Variants in CLMN observed in about 807,000 individuals in gnomAD.
CLMN encodes the protein calmin (calponin-like, transmembrane).
Under a neutral mutation model 92.7 loss-of-function variants are expected in CLMN, and 57 were observed. The ratio of observed to expected loss-of-function variants is 0.61; its 90% CI spans 0.50 to 0.77. The LOEUF (loss-of-function observed/expected upper bound fraction) is 0.77. CLMN is among the 30% of genes least tolerant of loss of function. The pLI is 0.00. For missense variants in CLMN, 1,158 were observed against 1,237.5 expected, an observed-to-expected ratio of 0.94 and a Z score of 0.96; for synonymous variants, 466 against 470.6, an observed-to-expected ratio of 0.99 and a Z score of 0.13.
At chr14:95,277,287 G>A (rs75280460) in intron 1 of CLMN, among the ~76,000 whole-genome samples, 259 of 152,318 alleles carry the variant, frequency 1.7e-3, no homozygotes, top group Non-Finnish European at 3.0e-3. Context: ...TAGGACCCCT[G>A]TAAGTCTGCT....
chr14:95,211,405 C>G (rs1464278249), intron 6 of CLMN, among the ~76,000 whole-genome samples: 1 of 152,110 alleles, frequency 6.6e-6, no homozygotes, highest in African/African-American at 2.4e-5. Context: ...TAATATACAA[C>G]GTTGGGAGCC....
intron 1 of CLMN, among the ~76,000 whole-genome samples, chr14:95,314,012 C>T (rs1901653978): frequency 6.6e-6 from 1 of 152,220 alleles, no homozygotes; most frequent in South Asian, 2.1e-4. Flanking sequence ...AAAGTCGTGG[C>T]TGCTGACACG....
intron 1 of CLMN, among the ~76,000 whole-genome samples, chr14:95,293,250 C>T (rs1900657449): frequency 1.6e-5 from 1 of 60,766 alleles, no homozygotes; most frequent in African/African-American, 5.6e-5. Context: ...CCTTCCTTCC[C>T]TCCCTCCTTC....
intron 1 of CLMN, among the ~76,000 whole-genome samples, chr14:95,274,222 G>A (rs576347890): frequency 1.3e-4 from 20 of 152,052 alleles, no homozygotes; most frequent in Admixed American, 1.2e-3. Flanking sequence ...AGCTCTCTGC[G>A]CACCCAGATT....
intron 4 of CLMN, among the ~76,000 whole-genome samples, chr14:95,216,757 T>C (rs1415244070): frequency 6.6e-6 from 1 of 152,212 alleles, no homozygotes; most frequent in African/African-American, 2.4e-5. Flanking sequence ...TATTTAACTA[T>C]GTTCTGACCA....
At chr14:95,245,240 A>ATATATATAT (rs1898480147) in intron 1 of CLMN, among the ~76,000 whole-genome samples, 5 of 26,124 alleles carry the variant, frequency 1.9e-4, no homozygotes, top group African/African-American at 1.1e-3. Flanking sequence ...TATATATATT[A>ATATATATAT]TATATATATA....
rs1896643104 is a variant in CLMN at position 95,194,419 on chromosome 14, CA to C, written c.2769+116del. 1 of 1,567,084 alleles carries C rather than the reference CA, an allele frequency of 6.4e-7. No individual in the cohort carries two copies. Among genetic ancestry groups the C allele is most frequent in the East Asian group, 2.4e-5 (1 of 42,442 alleles). On this transcript the variant is annotated intron_variant, in intron 11 of 12. Coordinates refer to ENST00000298912, the MANE Select transcript of CLMN (RefSeq NM_024734.4). This position sits in a 1 kb window ranked among gnomAD's most constrained non-coding sequence, Gnocchi z 4.0. ...GGTTCCAATCTGCTTGTCTTCTATCCAAAAGTATAGCTGTTGCATGCCAGTA... is the reference window on the plus strand; with the variant it reads ...GGTTCCAATCTGCTTGTCTTCTATCCAAAGTATAGCTGTTGCATGCCAGTA...
chr14:95,249,969 G>A (rs1898720149), intron 1 of CLMN, among the ~76,000 whole-genome samples: 1 of 152,178 alleles, frequency 6.6e-6, no homozygotes, highest in Non-Finnish European at 1.5e-5. Flanking sequence ...CAGGGAGTAG[G>A]GGTTCCAGGA....
intron 1 of CLMN, among the ~76,000 whole-genome samples, chr14:95,277,722 G>C (rs1339537365): frequency 6.6e-6 from 1 of 152,186 alleles, no homozygotes; most frequent in Non-Finnish European, 1.5e-5. Context: ...CTGCCTCCCA[G>C]GTTCAAGCAA....
chr14:95,257,529 T>C (rs1899048215), intron 1 of CLMN, among the ~76,000 whole-genome samples: 1 of 152,242 alleles, frequency 6.6e-6, no homozygotes, highest in Non-Finnish European at 1.5e-5. Flanking sequence ...TTTAAGGGCC[T>C]GGGTGGGACG....
At position 95,203,069 on chromosome 14, in the gene CLMN, T is replaced by C; in HGVS notation, c.2280A>G (p.Pro760=). The stretch of plus-strand genomic sequence containing the variant: ...AGTCCAGGTCTGGCATATAGCCCTC[T>C]GGCTCTTCGAGATCCATTTCTTCAT... ...LKNEEMDLEE[P]EGYMPDLDSR... Residue 760 remains proline, a synonymous_variant, in exon 9 of 13, where the codon CCA becomes CCG. Coordinates refer to ENST00000298912, the MANE Select transcript of CLMN (RefSeq NM_024734.4). 6.2e-7 allele frequency: 1 copy of C among 1,614,150 alleles called. No homozygotes were observed. The highest frequency in any genetic ancestry group is 8.5e-7 in the Non-Finnish European group (1 of 1,180,034).
rs1398440729 is a variant in CLMN at position 95,256,669 on chromosome 14, C to T, written c.83-26536G>A. Among the ~76,000 whole-genome samples the T allele has an allele frequency of 1.3e-5, 2 of 152,206 alleles. No individual in the cohort carries two copies. Among genetic ancestry groups the T allele is most frequent in the East Asian group, 3.8e-4 (2 of 5,202 alleles). On this transcript the variant is annotated intron_variant, in intron 1 of 12. Transcript: ENST00000298912. This position sits in a 1 kb window ranked among gnomAD's most constrained non-coding sequence, Gnocchi z 4.9. ...GACCAGGTGACTCCTGGCTAGAGTC[C>T]TTCATTTGTTCATTTCAAAACGAAA...
chr14:95,228,992 G>T (rs1897797734), intron 2 of CLMN, among the ~76,000 whole-genome samples: 1 of 152,190 alleles, frequency 6.6e-6, no homozygotes, highest in South Asian at 2.1e-4. Context: ...AACCTTTTAA[G>T]AGGAGAAGAG....
At chr14:95,197,386 G>C (rs1482133243) in intron 9 of CLMN, among the ~76,000 whole-genome samples, 11 of 145,776 alleles carry the variant, frequency 7.5e-5, no homozygotes, top group Non-Finnish European at 3.0e-5. Flanking sequence ...GGAAGATAGA[G>C]AGAGAAAGAA....
At position 95,238,476 on chromosome 14, in the gene CLMN, TC is replaced by T. The variant is rs1178085009; in HGVS notation, c.83-8344del. Among the ~76,000 whole-genome samples the T allele has an allele frequency of 3.3e-5, 5 of 152,200 alleles. 1 individual carries two copies. The South Asian group carries it at 6.2e-4, about 19-fold the overall frequency. On this transcript the variant is annotated intron_variant, in intron 1 of 12. Transcript: ENST00000298912. ...TTTTGCATTTAATTTCCTTTGTTTTTCCTCCCCTCATGTTTGCTCTGACCCA... is the reference window on the plus strand; with the variant it reads ...TTTTGCATTTAATTTCCTTTGTTTTTCTCCCCTCATGTTTGCTCTGACCCA...
At chr14:95,200,504 C>T (rs1482766658) in intron 9 of CLMN, among the ~76,000 whole-genome samples, 1 of 152,206 alleles carries the variant, frequency 6.6e-6, no homozygotes, top group African/African-American at 2.4e-5. Context: ...GCCCTGTGTG[C>T]ACTATATCCA....
At chr14:95,292,744 G>C (rs768258529) in intron 1 of CLMN, among the ~76,000 whole-genome samples, 3 of 152,094 alleles carry the variant, frequency 2.0e-5, no homozygotes, top group Admixed American at 6.5e-5. Context: ...GCTAGGATTT[G>C]CTGGGAGCTG....
intron 1 of CLMN, among the ~76,000 whole-genome samples, chr14:95,251,609 A>T (rs1302542208): frequency 6.6e-6 from 1 of 152,174 alleles, no homozygotes; most frequent in Non-Finnish European, 1.5e-5. Context: ...TGTTTTGTAG[A>T]GGAGGAAACT....
In CLMN at chr14:95,191,518, C is replaced by T. The variant is rs377536461; in HGVS notation, c.*46G>A. The T allele has an allele frequency of 1.8e-5, 28 of 1,530,376 alleles. No homozygotes were observed. Among genetic ancestry groups the T allele is most frequent in the African/African-American group, 5.6e-5 (4 of 71,530 alleles). 94.8% of individuals were successfully genotyped at this position (1,530,376 alleles called of 1,614,324 possible). A position where few individuals can be genotyped will look rare whatever the true frequency, so the allele number is the denominator to read the frequency against. On this transcript the variant is annotated 3_prime_UTR_variant, in exon 13 of 13. Coordinates refer to ENST00000298912, the MANE Select transcript of CLMN (RefSeq NM_024734.4). This position sits in a 1 kb window ranked among gnomAD's most constrained non-coding sequence, Gnocchi z 5.3. ...AACCCAAAATAAAATGAAGTAACCC[C>T]GCCCCTGGTCAGGGTCCTGTCTTTT...
Sources: gnomAD v4.1 joint callset for allele counts (sites outside exome capture counted in the v4.1 genomes callset) on GRCh38, gnomAD v4.1.1 for gene constraint, Gnocchi (gnomAD v3.1) non-coding constraint, MANE v1.5 for transcripts, NCBI Gene and HGNC (gene_info 2026-07-23, HGNC 2026-07-21) for gene names.